Variants in BBX observed in about 807,000 individuals in gnomAD.
BBX encodes the protein HMG box transcription factor BBX.
A neutral mutation model predicts 100.2 loss-of-function variants in BBX; 30 were observed. The ratio of observed to expected loss-of-function variants is 0.30; its 90% confidence interval spans 0.22 to 0.41. The LOEUF (loss-of-function observed/expected upper bound fraction) is 0.41, where lower values mean the gene tolerates loss of function less well. BBX is among the 10% of genes least tolerant of loss of function. The pLI is 1.00. For missense variants in BBX, 1,023 were observed against 1,129.8 expected, an observed-to-expected ratio of 0.91 and a Z score of 1.35; for synonymous variants, 376 against 388.1, an observed-to-expected ratio of 0.97 and a Z score of 0.37.
chr3:107,558,332 A>G (rs577208052), intron 2 of BBX, among the ~76,000 whole-genome samples: 4 of 152,292 alleles, frequency 2.6e-5, no homozygotes, highest in South Asian at 2.1e-4. Flanking sequence ...ACTAAGAAAT[A>G]CAATAATTAG....
intron 2 of BBX, among the ~76,000 whole-genome samples, chr3:107,535,217 A>C (rs1281328668): frequency 3.9e-5 from 6 of 152,168 alleles, no homozygotes; most frequent in Admixed American, 2.6e-4. Context: ...AAGGTTTGGG[A>C]CAACTTTTAG....
chr3:107,582,960 T>C (rs1240408074), intron 2 of BBX, among the ~76,000 whole-genome samples: 1 of 151,954 alleles, frequency 6.6e-6, no homozygotes, highest in African/African-American at 2.4e-5. Flanking sequence ...TACAATGCTG[T>C]TCCTTGGAGA....
At chr3:107,733,873 C>T (rs1009101050) in intron 7 of BBX, among the ~76,000 whole-genome samples, 5 of 152,094 alleles carry the variant, frequency 3.3e-5, no homozygotes, top group African/African-American at 7.2e-5. Context: ...ATGATTTTGA[C>T]GGGCAGGTAG....
chr3:107,669,214 A>G (rs2058901257), intron 3 of BBX, among the ~76,000 whole-genome samples: 1 of 152,136 alleles, frequency 6.6e-6, no homozygotes, highest in African/African-American at 2.4e-5. Flanking sequence ...GTCACAAGGC[A>G]GTTTATGGCT....
intron 13 of BBX, among the ~76,000 whole-genome samples, chr3:107,782,769 G>A (rs1324438477): frequency 6.6e-6 from 1 of 152,020 alleles, no homozygotes; most frequent in African/African-American, 2.4e-5. Flanking sequence ...TTCAGAATAC[G>A]GGTCATCTGC....
intron 14 of BBX, among the ~76,000 whole-genome samples, chr3:107,790,857 C>T (rs968301031): frequency 1.3e-5 from 2 of 152,146 alleles, no homozygotes; most frequent in Non-Finnish European, 2.9e-5. Context: ...TTTTCACTTC[C>T]ACTTCAGCTT....
chr3:107,632,690 C>T (rs557048766), intron 2 of BBX, among the ~76,000 whole-genome samples: 1 of 152,240 alleles, frequency 6.6e-6, no homozygotes, highest in African/African-American at 2.4e-5. Context: ...AATCCCTTAG[C>T]AAGTCAATTA....
chr3:107,609,102 G>T (rs2054650971), intron 2 of BBX, among the ~76,000 whole-genome samples: 2 of 152,026 alleles, frequency 1.3e-5, no homozygotes. Flanking sequence ...TCTTAACGGT[G>T]GTGAAAGTAG....
At chr3:107,526,572 A>T (rs1295060682) in intron 2 of BBX, 174 bp downstream of exon 2, 2 of 390,262 alleles carry the variant, frequency 5.1e-6, no homozygotes, top group African/African-American at 4.1e-5. Context: ...TTTAGAATTC[A>T]GCTGTGGGTT....
At chr3:107,698,178 C>A (rs1351276867) in intron 3 of BBX, among the ~76,000 whole-genome samples, 1 of 151,838 alleles carries the variant, frequency 6.6e-6, no homozygotes, top group Non-Finnish European at 1.5e-5. Context: ...ACACTGGGAG[C>A]TGTAGACCAG....
At chr3:107,683,903 A>AT (rs1276222393) in intron 3 of BBX, among the ~76,000 whole-genome samples, 1 of 152,078 alleles carries the variant, frequency 6.6e-6, no homozygotes, top group East Asian at 1.9e-4. Flanking sequence ...AAGCTGCTTT[A>AT]TTTTTTCTTA....
intron 2 of BBX, 186 bp downstream of exon 2, chr3:107,526,584 T>A (rs1039448165): frequency 4.9e-5 from 19 of 385,040 alleles, no homozygotes; most frequent in Middle Eastern, 1.3e-3. Context: ...CTGTGGGTTA[T>A]TATTAAGATA....
At chr3:107,793,537 G>A (rs1426900256) in intron 15 of BBX, among the ~76,000 whole-genome samples, 5 of 152,054 alleles carry the variant, frequency 3.3e-5, no homozygotes, top group Admixed American at 3.3e-4. Flanking sequence ...GTGACTATGT[G>A]CTTTGTGAGT....
chr3:107,586,092 A>G (rs1346126051), intron 2 of BBX, among the ~76,000 whole-genome samples: 1 of 152,284 alleles, frequency 6.6e-6, no homozygotes, highest in East Asian at 1.9e-4. Context: ...AGAAAACCCA[A>G]TGCAAAATCT....
chr3:107,675,979 G>T (rs1463577334), intron 3 of BBX, among the ~76,000 whole-genome samples: 1 of 152,026 alleles, frequency 6.6e-6, no homozygotes, highest in Non-Finnish European at 1.5e-5. Context: ...ATTTTCCTAG[G>T]GAAGCCAGTT....
intron 10 of BBX, 30 bp from the exon 11 acceptor site, chr3:107,772,598 G>C: frequency 1.3e-6 from 2 of 1,535,682 alleles, no homozygotes; most frequent in Non-Finnish European, 1.7e-6. Flanking sequence ...ATACTTTCGG[G>C]TGCTCTCCCA....
intron 12 of BBX, among the ~76,000 whole-genome samples, chr3:107,777,761 A>T (rs1559696329): frequency 1.3e-5 from 2 of 152,124 alleles, no homozygotes; most frequent in Non-Finnish European, 2.9e-5. Flanking sequence ...TTGCTCATTG[A>T]ATATTTTGTC....
intron 3 of BBX, among the ~76,000 whole-genome samples, chr3:107,702,054 A>G (rs1316051456): frequency 6.6e-6 from 1 of 152,248 alleles, no homozygotes; most frequent in Non-Finnish European, 1.5e-5. Context: ...AGTAAAGAAC[A>G]AGTGATAAAG....
At chr3:107,718,491 TAC>T (rs2062281528) in intron 5 of BBX, among the ~76,000 whole-genome samples, 1 of 151,766 alleles carries the variant, frequency 6.6e-6, no homozygotes, top group African/African-American at 2.4e-5. Flanking sequence ...TAAATAGCCT[TAC>T]ATTTTTCATA....
Sources: gnomAD v4.1 joint callset for allele counts (sites outside exome capture counted in the v4.1 genomes callset) on GRCh38, gnomAD v4.1.1 for gene constraint, MANE v1.5 for transcripts, NCBI Gene and HGNC (gene_info 2026-07-23, HGNC 2026-07-21) for gene names.